The following RPTOR variants were observed in gnomAD, a reference collection of about 807,000 sequenced individuals.
RPTOR encodes regulatory associated protein of MTOR complex 1.
A neutral mutation model predicts 169.9 loss-of-function variants in RPTOR; 21 were observed. The observed-to-expected ratio is 0.12, with a 90% CI of 0.09 to 0.18. RPTOR has a LOEUF of 0.18. RPTOR is among the 10% of genes least tolerant of loss of function. The pLI, the probability that RPTOR is intolerant of heterozygous loss-of-function variation, is 1.00. For synonymous variants in RPTOR, 732 were observed against 753.2 expected, an observed-to-expected ratio of 0.97 and a Z score of 0.46; for missense variants, 1,133 against 1,855.9, an observed-to-expected ratio of 0.61 and a Z score of 7.16.
Position 80,754,865 on chromosome 17 carries a change from G to GATA in RPTOR, c.830+682_830+684dup, listed in dbSNP as rs779611671. Among the ~76,000 whole-genome samples, 1 of 152,214 alleles carries GATA rather than the reference G, an allele frequency of 6.6e-6. No individual in the cohort carries two copies. Among genetic ancestry groups the GATA allele is most frequent in the Admixed American group, 6.5e-5 (1 of 15,284 alleles). On this transcript the variant is annotated intron_variant, in intron 6 of 33. Transcript: ENST00000306801. The surrounding 1 kb of genome is among the most constrained non-coding windows in gnomAD (Gnocchi z 4.2). ...ATGTCGTGGCTGTTACCGGCTAGTAGATAAATACCTCTCCCTTGAGGTGCC... is the reference window on the plus strand; with the variant it reads ...ATGTCGTGGCTGTTACCGGCTAGTAGATAATAAATACCTCTCCCTTGAGGTGCC...
At chr17:80,573,872 C>T (rs1057268589) in intron 1 of RPTOR, among the ~76,000 whole-genome samples, 1 of 152,214 alleles carries the variant, frequency 6.6e-6, no homozygotes, top group Non-Finnish European at 1.5e-5. Context: ...AGAACCAGCT[C>T]CTAGCACTGG....
intron 7 of RPTOR, among the ~76,000 whole-genome samples, chr17:80,792,705 AT>A (rs1033001795): frequency 6.6e-6 from 1 of 152,000 alleles, no homozygotes; most frequent in Non-Finnish European, 1.5e-5. Context: ...ATGGGACTAG[AT>A]GATCTGTGCT....
chr17:80,712,811 C>T (rs1250776650), intron 4 of RPTOR, among the ~76,000 whole-genome samples: 1 of 152,172 alleles, frequency 6.6e-6, no homozygotes, highest in East Asian at 1.9e-4. Flanking sequence ...TCTGTTGCTC[C>T]ACATGCTCAT....
rs1206627412 is a variant in RPTOR, at chr17:80,860,867, C to A, written c.1509+2967C>A. Among the ~76,000 whole-genome samples the A allele has an allele frequency of 6.6e-6, 1 of 151,992 alleles. No individual in the cohort carries two copies. Among genetic ancestry groups the A allele is most frequent in the Non-Finnish European group, 1.5e-5 (1 of 68,014 alleles). On this transcript the variant is annotated intron_variant, in intron 13 of 33. Transcript: ENST00000306801. The surrounding 1 kb of genome is among the most constrained non-coding windows in gnomAD (Gnocchi z 5.8). ...CTGCTGGCACGGGTCGGCTACCGTGCTTGCCATCTCTCCCAGCTGCTCCTG... is the reference window on the plus strand; with the variant it reads ...CTGCTGGCACGGGTCGGCTACCGTGATTGCCATCTCTCCCAGCTGCTCCTG...
At chr17:80,885,630 G>A (rs182562809) in intron 17 of RPTOR, among the ~76,000 whole-genome samples, 1 of 152,238 alleles carries the variant, frequency 6.6e-6, no homozygotes, top group Admixed American at 6.5e-5. Context: ...TGCAAGCTCC[G>A]CCTCCCGGGT....
chr17:80,681,271 A>G (rs895040297), intron 3 of RPTOR, among the ~76,000 whole-genome samples: 2 of 152,240 alleles, frequency 1.3e-5, no homozygotes, highest in Non-Finnish European at 2.9e-5. Flanking sequence ...AGCATCTTTT[A>G]GAGTCACCTG....
At chr17:80,699,101 T>C (rs1190865156) in intron 3 of RPTOR, among the ~76,000 whole-genome samples, 4 of 152,220 alleles carry the variant, frequency 2.6e-5, no homozygotes, top group Non-Finnish European at 1.5e-5. Flanking sequence ...CTCCAACCCA[T>C]CAAAATGGAA....
Position 80,820,756 on chromosome 17 carries a change from C to T in RPTOR, c.891-1445C>T, listed in dbSNP as rs569543173. Among the ~76,000 whole-genome samples the T allele has an allele frequency of 1.1e-3, 163 of 152,256 alleles. No homozygotes were observed. Among genetic ancestry groups the T allele is most frequent in the Non-Finnish European group, 1.9e-3 (128 of 68,030 alleles). On this transcript the variant is annotated intron_variant, in intron 7 of 33. Coordinates refer to ENST00000306801, the MANE Select transcript of RPTOR (RefSeq NM_020761.3). This position sits in a 1 kb window ranked among gnomAD's most constrained non-coding sequence, Gnocchi z 4.1. The stretch of plus-strand genomic sequence containing the variant: ...AGACGAGTCTCTGCTGTCCTTGTGC[C>T]GTGTGTTCGCCTCCAGGCCTGGGTT...
At chr17:80,923,839 C>T (rs1262350960) in intron 23 of RPTOR, 166 bp downstream of exon 23, 8 of 717,440 alleles carry the variant, frequency 1.1e-5, no homozygotes, top group African/African-American at 9.0e-5. Context: ...GACCCGGGTG[C>T]TGGTCCTCAC....
At chr17:80,964,208 C>CCCCCCT in intron 33 of RPTOR, 54 bp from the exon 34 acceptor site, 3 of 1,314,448 alleles carry the variant, frequency 2.3e-6, no homozygotes, top group Admixed American at 1.7e-5. Context: ...CCCCCGCCCC[C>CCCCCCT]CGCAGTGTCT....
At chr17:80,560,619 G>A (rs1343340335) in intron 1 of RPTOR, among the ~76,000 whole-genome samples, 2 of 152,124 alleles carry the variant, frequency 1.3e-5, no homozygotes, top group Non-Finnish European at 2.9e-5. Flanking sequence ...GGACGTGCAG[G>A]AGCTGAGAGG....
At chr17:80,894,163 G>A (rs1045131065) in intron 20 of RPTOR, among the ~76,000 whole-genome samples, 1 of 152,168 alleles carries the variant, frequency 6.6e-6, no homozygotes, top group African/African-American at 2.4e-5. Flanking sequence ...TCCATAGACG[G>A]GTGAGAGTTC....
intron 32 of RPTOR, 82 bp downstream of exon 32, chr17:80,962,659 C>A: frequency 1.5e-6 from 2 of 1,315,300 alleles, no homozygotes; most frequent in Non-Finnish European, 2.1e-6. Flanking sequence ...GTGTTCCTGC[C>A]CCCAGGAGCT....
chr17:80,945,524 G>A (rs28403145), intron 25 of RPTOR, 143 bp from the exon 26 acceptor site: 110,510 of 495,826 alleles, frequency 0.22, 13,133 homozygotes, highest in Admixed American at 0.27. Flanking sequence ...CCTGGGAGGC[G>A]GAGCTTGCAG....
chr17:80,613,235 G>A (rs547921689), intron 1 of RPTOR, among the ~76,000 whole-genome samples: 1 of 152,196 alleles, frequency 6.6e-6, no homozygotes, highest in African/African-American at 2.4e-5. Context: ...CCAGACTCGA[G>A]TGACACTTTG....
At chr17:80,648,214 C>T (rs911285340) in intron 3 of RPTOR, among the ~76,000 whole-genome samples, 1 of 151,974 alleles carries the variant, frequency 6.6e-6, no homozygotes, top group African/African-American at 2.4e-5. Context: ...TTGAATGAAC[C>T]GAAGCTGATG....
rs148488830 is a variant in RPTOR, at chr17:80,884,692, T to C, written c.1843-316T>C. On this transcript the variant is annotated intron_variant, in intron 16 of 33. Transcript: ENST00000306801. Reference sequence around the variant, plus strand: ...CCACCCTCCCACGCTCTGTGGCCCATCCCAGCCCCCTCGTCTAACTCCTGC... The same window carrying C: ...CCACCCTCCCACGCTCTGTGGCCCACCCCAGCCCCCTCGTCTAACTCCTGC... 1.6e-3 allele frequency among the ~76,000 whole-genome samples: 244 copies of C among 152,236 alleles called. 1 individual carries two copies. Among genetic ancestry groups the C allele is most frequent in the African/African-American group, 5.7e-3 (236 of 41,544 alleles).
intron 1 of RPTOR, among the ~76,000 whole-genome samples, chr17:80,587,395 C>T (rs760673870): frequency 9.8e-5 from 15 of 152,288 alleles, no homozygotes; most frequent in Middle Eastern, 3.4e-3. Context: ...CCATTGAATA[C>T]AGTGTCGAAC....
At chr17:80,710,632 T>C (rs968585203) in intron 4 of RPTOR, among the ~76,000 whole-genome samples, 2 of 151,084 alleles carry the variant, frequency 1.3e-5, no homozygotes, top group Admixed American at 1.3e-4. Context: ...CACAGTACTT[T>C]TCTCCCTTAG....
Sources: gnomAD v4.1 joint callset for allele counts (sites outside exome capture counted in the v4.1 genomes callset) on GRCh38, gnomAD v4.1.1 for gene constraint, Gnocchi (gnomAD v3.1) non-coding constraint, MANE v1.5 for transcripts, NCBI Gene and HGNC (gene_info 2026-07-23, HGNC 2026-07-21) for gene names.